The following KHDRBS2 variants were observed in gnomAD, a reference collection of about 807,000 sequenced individuals.
KHDRBS2 encodes KH domain-containing, RNA-binding, signal transduction-associated protein 2.
A neutral mutation model predicts 44.3 loss-of-function variants in KHDRBS2; 26 were observed. The ratio of observed to expected loss-of-function variants is 0.59; its 90% CI spans 0.43 to 0.81. KHDRBS2 has a LOEUF of 0.81. KHDRBS2 is among the 40% of genes least tolerant of loss of function. The pLI is 0.00. For missense variants in KHDRBS2, 476 were observed against 433.1 expected, an observed-to-expected ratio of 1.10 and a Z score of -0.88; for synonymous variants, 194 against 151.1, an observed-to-expected ratio of 1.28 and a Z score of -2.08.
At chr6:62,032,357 C>A (rs1784493821) in intron 3 of KHDRBS2, among the ~76,000 whole-genome samples, 2 of 152,022 alleles carry the variant, frequency 1.3e-5, no homozygotes, top group African/African-American at 2.4e-5. Flanking sequence ...GGCCTAGTCT[C>A]CTAGACTGTA....
the KHDRBS2 span, among the ~76,000 whole-genome samples, chr6:61,603,376 G>T: frequency 6.6e-6 from 1 of 151,842 alleles, no homozygotes; most frequent in Non-Finnish European, 1.5e-5. Flanking sequence ...CTATTCCTTT[G>T]CATCCTTCAT....
intron 3 of KHDRBS2, among the ~76,000 whole-genome samples, chr6:62,000,122 A>AGTGT (rs142429684): frequency 6.6e-6 from 1 of 150,416 alleles, no homozygotes; most frequent in Non-Finnish European, 1.5e-5. Flanking sequence ...CAATTGTGTG[A>AGTGT]GTGTGTGTGT....
At chr6:62,145,537 C>CAAATAAAAGT in intron 2 of KHDRBS2, among the ~76,000 whole-genome samples, 1 of 151,556 alleles carries the variant, frequency 6.6e-6, no homozygotes, top group Admixed American at 6.6e-5. Context: ...GCTCTTGGAC[C>CAAATAAAAGT]AATGTGATGT....
At chr6:62,017,602 C>T (rs1781441518) in intron 3 of KHDRBS2, among the ~76,000 whole-genome samples, 1 of 151,950 alleles carries the variant, frequency 6.6e-6, no homozygotes, top group Admixed American at 6.6e-5. Flanking sequence ...TCATGAGTGG[C>T]ATAAATTAAA....
At chr6:62,199,207 T>C (rs1328130717) in intron 1 of KHDRBS2, among the ~76,000 whole-genome samples, 1 of 152,160 alleles carries the variant, frequency 6.6e-6, no homozygotes, top group African/African-American at 2.4e-5. Context: ...TCACCACTCC[T>C]ATTCAACATA....
intron 6 of KHDRBS2, among the ~76,000 whole-genome samples, chr6:61,771,882 A>G (rs1426248207): frequency 2.0e-5 from 3 of 152,186 alleles, no homozygotes; most frequent in Non-Finnish European, 2.9e-5. Flanking sequence ...AACAGAATAT[A>G]CATTCTTTTC....
chr6:62,056,202 T>C (rs1034141125), intron 2 of KHDRBS2, among the ~76,000 whole-genome samples: 1 of 151,344 alleles, frequency 6.6e-6, no homozygotes, highest in Non-Finnish European at 1.5e-5. Context: ...AATAAATAAA[T>C]TGTGACATAT....
chr6:61,548,012 A>G, the KHDRBS2 span, among the ~76,000 whole-genome samples: 2 of 152,156 alleles, frequency 1.3e-5, no homozygotes, highest in African/African-American at 4.8e-5. Context: ...AAGAAAAAAT[A>G]TGCACCAACT....
intron 4 of KHDRBS2, among the ~76,000 whole-genome samples, chr6:61,922,514 G>A (rs1808248558): frequency 6.6e-6 from 1 of 151,982 alleles, no homozygotes; most frequent in Non-Finnish European, 1.5e-5. Flanking sequence ...ACAATTCAGT[G>A]CCTGTGTAGG....
chr6:61,822,897 C>G (rs746688558), intron 6 of KHDRBS2, among the ~76,000 whole-genome samples: 4 of 151,982 alleles, frequency 2.6e-5, no homozygotes, highest in Non-Finnish European at 5.9e-5. Context: ...TACTACAATC[C>G]TTGAAACAGT....
At chr6:61,932,672 C>T (rs1467135081) in intron 4 of KHDRBS2, among the ~76,000 whole-genome samples, 1 of 152,084 alleles carries the variant, frequency 6.6e-6, no homozygotes, top group Non-Finnish European at 1.5e-5. Flanking sequence ...TGGTGGTGGG[C>T]ACCTGTATTC....
the KHDRBS2 span, among the ~76,000 whole-genome samples, chr6:61,610,251 A>T: frequency 1.3e-5 from 2 of 152,166 alleles, no homozygotes; most frequent in Non-Finnish European, 2.9e-5. Context: ...CTATTAGGAA[A>T]TCACATTCAC....
chr6:61,597,296 A>G, the KHDRBS2 span, among the ~76,000 whole-genome samples: 1 of 152,094 alleles, frequency 6.6e-6, no homozygotes, highest in Non-Finnish European at 1.5e-5. Context: ...TTGGGGACCA[A>G]TTTAGTTGGG....
intron 3 of KHDRBS2, among the ~76,000 whole-genome samples, chr6:62,013,382 T>G (rs1024417413): frequency 6.6e-6 from 1 of 152,124 alleles, no homozygotes; most frequent in Non-Finnish European, 1.5e-5. Context: ...AGACCTTAAA[T>G]GTATCAATTA....
At chr6:62,251,552 C>T (rs1242205435) in intron 1 of KHDRBS2, among the ~76,000 whole-genome samples, 1 of 151,756 alleles carries the variant, frequency 6.6e-6, no homozygotes, top group Non-Finnish European at 1.5e-5. Flanking sequence ...ATCCAAAGTC[C>T]CTACACTTAC....
intron 6 of KHDRBS2, among the ~76,000 whole-genome samples, chr6:61,740,978 A>G (rs1183990584): frequency 6.6e-6 from 1 of 151,928 alleles, no homozygotes; most frequent in Non-Finnish European, 1.5e-5. Context: ...CTACGTGAAC[A>G]CAATGTTCCA....
At chr6:62,070,233 T>C (rs1794674132) in intron 2 of KHDRBS2, among the ~76,000 whole-genome samples, 1 of 151,716 alleles carries the variant, frequency 6.6e-6, no homozygotes, top group Admixed American at 6.6e-5. Flanking sequence ...TACACGTATA[T>C]TAATAAGGGA....
intron 6 of KHDRBS2, among the ~76,000 whole-genome samples, chr6:61,755,247 C>A (rs369305019): frequency 1.6e-4 from 24 of 152,076 alleles, no homozygotes; most frequent in African/African-American, 4.8e-4. Context: ...TTTATCTGGG[C>A]CCCATCCCAA....
the KHDRBS2 span, among the ~76,000 whole-genome samples, chr6:61,656,824 T>A: frequency 6.6e-6 from 1 of 151,996 alleles, no homozygotes; most frequent in Non-Finnish European, 1.5e-5. Context: ...GATGGCCTAC[T>A]TTTGAAACAT....
Sources: allele counts gnomAD v4.1 joint callset (sites outside exome capture counted in the v4.1 genomes callset), GRCh38; gene constraint gnomAD v4.1.1; transcripts MANE v1.5; gene names NCBI Gene and HGNC (gene_info 2026-07-23, HGNC 2026-07-21).